Variants in SYN3 observed in about 807,000 individuals in gnomAD.
The protein encoded by SYN3 is synapsin-3.
SYN3 carries 35 observed loss-of-function variants against 65.8 expected under a neutral mutation model. That is an observed-to-expected ratio of 0.53 (90% confidence interval 0.41 to 0.70). SYN3 has a LOEUF of 0.70. SYN3 is among the 30% of genes least tolerant of loss of function. The probability of loss-of-function intolerance (pLI) is 0.00; values close to 1 mark genes in which losing one functional copy is unlikely to be tolerated. For synonymous variants in SYN3, 270 were observed against 292.9 expected (o/e 0.92, Z 0.80); for missense variants, 680 against 749.0 (o/e 0.91, Z 1.08).
chr22:32,735,367 A>G (rs1160870724), intron 6 of SYN3, among the ~76,000 whole-genome samples: 2 of 152,212 alleles, frequency 1.3e-5, no homozygotes, highest in African/African-American at 4.8e-5. Context: ...AGTACTTGGC[A>G]CGTAGTAAAT....
At chr22:32,884,305 T>A (rs111738709) in intron 4 of SYN3, among the ~76,000 whole-genome samples, 3 of 152,360 alleles carry the variant, frequency 2.0e-5, no homozygotes, top group African/African-American at 7.2e-5. Flanking sequence ...ATTGATTGCA[T>A]GTTTAGAGCA....
chr22:32,612,320 A>G (rs1450813814), intron 6 of SYN3, among the ~76,000 whole-genome samples: 2 of 152,174 alleles, frequency 1.3e-5, no homozygotes. Flanking sequence ...CAAATTTGCA[A>G]CTGGCTTCTG....
chr22:33,009,448 T>A (rs2053291740), intron 1 of SYN3, among the ~76,000 whole-genome samples: 2 of 152,298 alleles, frequency 1.3e-5, no homozygotes, highest in Non-Finnish European at 2.9e-5. Context: ...TTTGGCCCAT[T>A]TCTAAAAGGT....
intron 3 of SYN3, among the ~76,000 whole-genome samples, chr22:32,941,950 G>T (rs1295425304): frequency 3.3e-5 from 5 of 152,210 alleles, no homozygotes; most frequent in African/African-American, 7.2e-5. Context: ...AAGCAGCCAG[G>T]AAGCTCAAAC....
intron 3 of SYN3, among the ~76,000 whole-genome samples, chr22:32,957,498 G>A (rs186590193): frequency 4.7e-4 from 71 of 152,230 alleles, no homozygotes; most frequent in African/African-American, 1.6e-3. Context: ...ATGTGCTGGC[G>A]CCTATTTAAA....
At chr22:33,038,456 C>G (rs543849882) in intron 1 of SYN3, among the ~76,000 whole-genome samples, 10 of 152,350 alleles carry the variant, frequency 6.6e-5, no homozygotes, top group South Asian at 2.1e-4. Flanking sequence ...AGCCCACCCA[C>G]GCTCTCTTAA....
chr22:33,027,087 G>C (rs2053651745), intron 1 of SYN3, among the ~76,000 whole-genome samples: 1 of 152,056 alleles, frequency 6.6e-6, no homozygotes, highest in South Asian at 2.1e-4. Flanking sequence ...ATCTGAAACA[G>C]ACTTGAGAGT....
chr22:32,852,143 C>A (rs558628251), intron 6 of SYN3, among the ~76,000 whole-genome samples: 1 of 152,328 alleles, frequency 6.6e-6, no homozygotes, highest in South Asian at 2.1e-4. Flanking sequence ...ACACCTTGTC[C>A]TCTGTTTGAC....
Position 32,801,863 on chromosome 22 carries a change from G to T in SYN3, c.711+63052C>A. 1 of 1,132,802 alleles carries T rather than the reference G, an allele frequency of 8.8e-7. No homozygotes were observed. Among genetic ancestry groups the T allele is most frequent in the Non-Finnish European group, 1.1e-6 (1 of 896,218 alleles). The allele number at this position is 1,132,802 out of a possible 1,614,324, so 70.2% of individuals were successfully genotyped here. A position where few individuals can be genotyped will look rare whatever the true frequency, so the allele number is the denominator to read the frequency against. ...CATCCCGTCCCGCCGGGCACTCGGA[G>T]GGCAGCGCGCCGGAGGCCAAGGTTG... On this transcript the variant is annotated intron_variant, in intron 6 of 13. Transcript: ENST00000358763. This position sits in a 1 kb window ranked among gnomAD's most constrained non-coding sequence, Gnocchi z 4.7.
intron 6 of SYN3, among the ~76,000 whole-genome samples, chr22:32,678,136 G>A (rs2060471969): frequency 6.6e-6 from 1 of 152,158 alleles, no homozygotes. Flanking sequence ...GGCCCAATCT[G>A]GGGAGATTCG....
chr22:32,969,002 C>T (rs769916251), intron 3 of SYN3, among the ~76,000 whole-genome samples: 60 of 152,332 alleles, frequency 3.9e-4, no homozygotes, highest in Admixed American at 9.1e-4. Context: ...TTACTAAGTT[C>T]TCCTTCAGAA....
intron 3 of SYN3, among the ~76,000 whole-genome samples, chr22:32,973,618 C>T (rs2052091251): frequency 6.6e-6 from 1 of 152,130 alleles, no homozygotes; most frequent in Non-Finnish European, 1.5e-5. Context: ...AGTTGAAATC[C>T]ATCTTCCTGT....
chr22:32,717,903 C>G (rs935403424), intron 6 of SYN3, among the ~76,000 whole-genome samples: 3 of 152,192 alleles, frequency 2.0e-5, no homozygotes, highest in Non-Finnish European at 2.9e-5. Flanking sequence ...TCATCTTAAA[C>G]CTTTCTGTTT....
chr22:32,587,492 T>C (rs1282296198), intron 7 of SYN3, among the ~76,000 whole-genome samples: 1 of 152,166 alleles, frequency 6.6e-6, no homozygotes. Context: ...GACTCTCCTC[T>C]CTGGCTGTCT....
At chr22:32,881,768 C>G (rs529548445) in intron 4 of SYN3, among the ~76,000 whole-genome samples, 18 of 152,122 alleles carry the variant, frequency 1.2e-4, no homozygotes, top group African/African-American at 3.9e-4. Flanking sequence ...GAAAAAGGAA[C>G]CTTGAGGCCG....
intron 3 of SYN3, among the ~76,000 whole-genome samples, chr22:32,968,767 T>G (rs2051924844): frequency 6.6e-6 from 1 of 152,208 alleles, no homozygotes. Flanking sequence ...ATCCCAAGGT[T>G]AGACAAATCT....
intron 6 of SYN3, among the ~76,000 whole-genome samples, chr22:32,705,971 G>C (rs936224219): frequency 6.6e-6 from 1 of 152,180 alleles, no homozygotes; most frequent in African/African-American, 2.4e-5. Flanking sequence ...TGAGACCATG[G>C]GGATTTTCTA....
intron 7 of SYN3, among the ~76,000 whole-genome samples, chr22:32,587,614 C>A (rs578093239): frequency 6.6e-6 from 1 of 152,318 alleles, no homozygotes; most frequent in Admixed American, 6.5e-5. Context: ...GCCACTGACT[C>A]CCACTCCAAA....
chr22:32,879,983 TG>T (rs1216178550), intron 4 of SYN3, among the ~76,000 whole-genome samples: 3 of 152,210 alleles, frequency 2.0e-5, no homozygotes, highest in Non-Finnish European at 4.4e-5. Context: ...GGTTCCCGAT[TG>T]GTCAAAGGAG....
Sources: gnomAD v4.1 joint callset for allele counts (sites outside exome capture counted in the v4.1 genomes callset) on GRCh38, gnomAD v4.1.1 for gene constraint, Gnocchi (gnomAD v3.1) non-coding constraint, MANE v1.5 for transcripts, NCBI Gene and HGNC (gene_info 2026-07-23, HGNC 2026-07-21) for gene names.